Variants in SCFD2 observed in about 807,000 individuals in gnomAD.
SCFD2 encodes sec1 family domain-containing protein 2.
A neutral mutation model predicts 58.9 loss-of-function variants in SCFD2; 54 were observed. The observed-to-expected ratio is 0.92, with a 90% CI of 0.74 to 1.15. The LOEUF (loss-of-function observed/expected upper bound fraction) is 1.15. Among genes scored for constraint, SCFD2 ranks in the 50% most tolerant of loss-of-function variants. SCFD2 has a pLI of 0.00. For missense variants in SCFD2, 805 were observed against 836.6 expected, an observed-to-expected ratio of 0.96 and a Z score of 0.47; for synonymous variants, 321 against 335.9, an observed-to-expected ratio of 0.96 and a Z score of 0.49.
At chr4:53,086,224 T>G (rs2148862636) in intron 5 of SCFD2, among the ~76,000 whole-genome samples, 1 of 152,228 alleles carries the variant, frequency 6.6e-6, no homozygotes, top group Non-Finnish European at 1.5e-5. Context: ...GGGCAAAACA[T>G]CTGAATAGAC....
At chr4:53,201,133 C>T (rs1335393590) in intron 4 of SCFD2, among the ~76,000 whole-genome samples, 1 of 152,066 alleles carries the variant, frequency 6.6e-6, no homozygotes, top group East Asian at 1.9e-4. Flanking sequence ...ATTAATTCGT[C>T]ATTTAGCATT....
chr4:53,046,539 A>ATT (rs112841080), intron 5 of SCFD2, among the ~76,000 whole-genome samples: 48 of 147,392 alleles, frequency 3.3e-4, no homozygotes, highest in African/African-American at 9.9e-4. Flanking sequence ...AAGAGCACAG[A>ATT]TTTTTTTTTT....
chr4:53,109,857 G>A (rs1725118313), intron 5 of SCFD2, among the ~76,000 whole-genome samples: 1 of 151,904 alleles, frequency 6.6e-6, no homozygotes, highest in African/African-American at 2.4e-5. Context: ...CACAGAATTA[G>A]AAAAAATTAC....
intron 8 of SCFD2, among the ~76,000 whole-genome samples, chr4:52,880,743 T>C (rs578011949): frequency 1.3e-3 from 200 of 152,374 alleles, no homozygotes; most frequent in African/African-American, 4.6e-3. Context: ...GGGGGTCAAC[T>C]TTCCCACTGG....
chr4:52,917,029 C>G (rs561520169), intron 6 of SCFD2, among the ~76,000 whole-genome samples: 1 of 152,282 alleles, frequency 6.6e-6, no homozygotes, highest in East Asian at 1.9e-4. Context: ...TCCCTAGTAG[C>G]TGGGATTACA....
At chr4:53,218,001 C>A (rs1439936198) in intron 4 of SCFD2, among the ~76,000 whole-genome samples, 1 of 152,194 alleles carries the variant, frequency 6.6e-6, no homozygotes, top group Non-Finnish European at 1.5e-5. Context: ...AGCGTTTCTG[C>A]CAAGAGATCT....
intron 2 of SCFD2, among the ~76,000 whole-genome samples, chr4:53,341,021 G>C (rs1467445208): frequency 6.6e-6 from 1 of 152,184 alleles, no homozygotes; most frequent in Non-Finnish European, 1.5e-5. Flanking sequence ...AAACAGAGCA[G>C]AAAAGCTGAA....
At chr4:52,887,896 CTTTTTTTT>C (rs71195133) in intron 7 of SCFD2, among the ~76,000 whole-genome samples, 858 of 81,716 alleles carry the variant, frequency 0.01, 5 homozygotes, top group Non-Finnish European at 0.016. Context: ...ACATCTTATT[CTTTTTTTT>C]TTTTTTTTTT....
chr4:52,955,068 C>G (rs924708709), intron 5 of SCFD2, among the ~76,000 whole-genome samples: 6 of 152,274 alleles, frequency 3.9e-5, no homozygotes, highest in Non-Finnish European at 7.4e-5. Flanking sequence ...CTCCCACCTT[C>G]GAGCTTCACC....
intron 5 of SCFD2, among the ~76,000 whole-genome samples, chr4:52,924,406 A>C (rs565730039): frequency 1.3e-5 from 2 of 152,330 alleles, no homozygotes; most frequent in Non-Finnish European, 2.9e-5. Flanking sequence ...AAATGAACCC[A>C]ACAGAAAAAT....
chr4:52,921,734 G>A (rs28610009), intron 5 of SCFD2, among the ~76,000 whole-genome samples: 7,457 of 152,188 alleles, frequency 0.049, 218 homozygotes, highest in South Asian at 0.13. Flanking sequence ...GAGTGGTAAA[G>A]TTTCTGTGTA....
chr4:53,054,909 C>T (rs1420905877), intron 5 of SCFD2, among the ~76,000 whole-genome samples: 1 of 152,180 alleles, frequency 6.6e-6, no homozygotes, highest in African/African-American at 2.4e-5. Flanking sequence ...CCACTTCGGC[C>T]TCCCAAAGTG....
intron 5 of SCFD2, among the ~76,000 whole-genome samples, chr4:53,144,942 G>A (rs1425442253): frequency 6.6e-6 from 1 of 152,140 alleles, no homozygotes; most frequent in Non-Finnish European, 1.5e-5. Context: ...GTGTGCAGTG[G>A]GCAAGCAAGC....
intron 4 of SCFD2, among the ~76,000 whole-genome samples, chr4:53,167,414 C>G (rs977281468): frequency 2.0e-5 from 3 of 152,110 alleles, no homozygotes; most frequent in African/African-American, 7.2e-5. Context: ...CTTGTGGTAA[C>G]TGACCCAATA....
intron 4 of SCFD2, among the ~76,000 whole-genome samples, chr4:53,241,620 G>A (rs1211341234): frequency 6.6e-6 from 1 of 152,146 alleles, no homozygotes; most frequent in Admixed American, 6.5e-5. Context: ...CACTTTGCTG[G>A]CACACACCCT....
At chr4:53,144,226 C>T (rs1026496380) in intron 5 of SCFD2, among the ~76,000 whole-genome samples, 3 of 151,464 alleles carry the variant, frequency 2.0e-5, no homozygotes, top group South Asian at 4.2e-4. Flanking sequence ...CAGAGAGGAT[C>T]GCTTGAGCCC....
intron 7 of SCFD2, among the ~76,000 whole-genome samples, chr4:52,903,811 A>C (rs1468254894): frequency 6.6e-6 from 1 of 152,180 alleles, no homozygotes. Context: ...AAAACCATTA[A>C]ATTGATATCT....
At chr4:53,059,365 T>C (rs1209133482) in intron 5 of SCFD2, among the ~76,000 whole-genome samples, 1 of 152,132 alleles carries the variant, frequency 6.6e-6, no homozygotes. Flanking sequence ...CTTGCCTCAT[T>C]CAATCTTCAA....
chr4:53,352,220 T>C (rs1428648825), intron 2 of SCFD2, among the ~76,000 whole-genome samples: 1 of 152,228 alleles, frequency 6.6e-6, no homozygotes. Flanking sequence ...CATGGTTTCA[T>C]TGCTGTTTGA....
Sources: allele counts gnomAD v4.1 joint callset (sites outside exome capture counted in the v4.1 genomes callset), GRCh38; gene constraint gnomAD v4.1.1; transcripts MANE v1.5; gene names NCBI Gene and HGNC (gene_info 2026-07-23, HGNC 2026-07-21).